CRACR2A: variants seen among roughly 807,000 people sequenced by gnomAD.
CRACR2A encodes the protein calcium release activated channel regulator 2A, also known as EF-hand calcium-binding domain-containing protein 4B.
CRACR2A carries 79 observed loss-of-function variants against 90.5 expected under a neutral mutation model. The ratio of observed to expected loss-of-function variants is 0.87; its 90% confidence interval spans 0.73 to 1.05. The LOEUF is 1.05. Ranked by LOEUF, CRACR2A falls within the 50% of genes least tolerant of loss-of-function variation. The probability of loss-of-function intolerance (pLI) is 0.00; values close to 1 mark genes in which losing one functional copy is unlikely to be tolerated. For synonymous variants in CRACR2A, 338 were observed against 356.7 expected (o/e 0.95, Z 0.59); for missense variants, 823 against 897.2 (o/e 0.92, Z 1.06).
chr12:3,710,997 G>A (rs1436341638), intron 3 of CRACR2A, among the ~76,000 whole-genome samples: 1 of 152,134 alleles, frequency 6.6e-6, no homozygotes, highest in East Asian at 1.9e-4. Flanking sequence ...CCCAACTCAT[G>A]TCCTTCTCAC....
At chr12:3,739,609 A>T (rs1266030642) in intron 1 of CRACR2A, among the ~76,000 whole-genome samples, 2 of 152,196 alleles carry the variant, frequency 1.3e-5, no homozygotes, top group Admixed American at 1.3e-4. Flanking sequence ...CAGGCCTAAG[A>T]TATTTTGAAC....
At chr12:3,688,973 G>T (rs953133547) in intron 4 of CRACR2A, among the ~76,000 whole-genome samples, 9 of 152,224 alleles carry the variant, frequency 5.9e-5, no homozygotes, top group African/African-American at 2.2e-4. Context: ...ATTGTGAATG[G>T]GAATATCTTC....
intron 4 of CRACR2A, among the ~76,000 whole-genome samples, chr12:3,690,051 T>C (rs1412862739): frequency 1.3e-5 from 2 of 152,084 alleles, no homozygotes; most frequent in Non-Finnish European, 2.9e-5. Flanking sequence ...TTCTTCTTTA[T>C]TAGTTTTTCT....
chr12:3,666,330 C>CGTGTGTGTGTGT (rs750488682), intron 7 of CRACR2A, among the ~76,000 whole-genome samples: 4,034 of 139,518 alleles, frequency 0.029, 79 homozygotes, highest in Middle Eastern at 0.047. Flanking sequence ...AGGACGGCTG[C>CGTGTGTGTGTGT]GTGTGTGTGT....
chr12:3,705,272 T>G (rs1945898104), intron 3 of CRACR2A, among the ~76,000 whole-genome samples: 1 of 152,206 alleles, frequency 6.6e-6, no homozygotes, highest in Non-Finnish European at 1.5e-5. Flanking sequence ...TATAAACAGA[T>G]GGGAATTATC....
In CRACR2A at chr12:3,678,900, A is replaced by G; in HGVS notation, c.524+15T>C. ...CAGGCTGGTCTCCGTTCTACAAATC[A>G]CTGTCACCACTTACTCTTCCAACAC... is the stretch of plus-strand genomic sequence containing the variant. On this transcript the variant is annotated intron_variant, in intron 6 of 19. Transcript: ENST00000440314. The G allele has an allele frequency of 6.3e-7, 1 of 1,589,788 alleles. No individual in the cohort carries two copies. Among genetic ancestry groups the G allele is most frequent in the Middle Eastern group, 1.7e-4 (1 of 5,956 alleles).
chr12:3,624,063 G>T, intron 17 of CRACR2A, among the ~76,000 whole-genome samples: 1 of 152,234 alleles, frequency 6.6e-6, no homozygotes, highest in East Asian at 1.9e-4. Context: ...ATCAAGATGG[G>T]ATAGTAAGAA....
chr12:3,752,046 T>C (rs1437322347), intron 1 of CRACR2A, among the ~76,000 whole-genome samples: 2 of 152,178 alleles, frequency 1.3e-5, no homozygotes, highest in Admixed American at 1.3e-4. Flanking sequence ...CTTCGGTACA[T>C]GCTGCTTTCT....
At chr12:3,724,817 G>A (rs1355184115) in intron 2 of CRACR2A, among the ~76,000 whole-genome samples, 1 of 152,146 alleles carries the variant, frequency 6.6e-6, no homozygotes, top group African/African-American at 2.4e-5. Context: ...AGAACACTAA[G>A]TGTTCAGACA....
rs575856052 is a variant in CRACR2A, at chr12:3,617,628, C to T, written c.2035-598G>A. On this transcript the variant is annotated intron_variant, in intron 18 of 19. Coordinates refer to ENST00000440314, the MANE Select transcript of CRACR2A (RefSeq NM_001144958.2). ...GTCAGCACTGGTGCACCAGACTGGC[C>T]GTCAGCTCATTAGGATGAGGTTGTG... Among the ~76,000 whole-genome samples the T allele has an allele frequency of 1.7e-4, 26 of 152,326 alleles. No individual in the cohort carries two copies. In the East Asian group the frequency reaches 4.0e-3, roughly 24 times the overall value.
intron 3 of CRACR2A, among the ~76,000 whole-genome samples, chr12:3,701,260 G>C (rs1281612341): frequency 6.6e-6 from 1 of 151,502 alleles, no homozygotes; most frequent in Non-Finnish European, 1.5e-5. Flanking sequence ...TTGGAAAGAA[G>C]AAAGGGCTCA....
At chr12:3,742,177 G>A (rs1232236968) in intron 1 of CRACR2A, among the ~76,000 whole-genome samples, 1 of 152,186 alleles carries the variant, frequency 6.6e-6, no homozygotes, top group Non-Finnish European at 1.5e-5. Flanking sequence ...AAGAAATCAG[G>A]CAGCAGGCAT....
chr12:3,616,883 C>CA, intron 19 of CRACR2A, 71 bp downstream of exon 19: 2 of 1,253,606 alleles, frequency 1.6e-6, no homozygotes, highest in Non-Finnish European at 2.3e-6. Flanking sequence ...TGGAGGGAAA[C>CA]ACGGTGCCTC....
At chr12:3,699,649 A>G (rs759765561) in intron 3 of CRACR2A, among the ~76,000 whole-genome samples, 2 of 152,110 alleles carry the variant, frequency 1.3e-5, no homozygotes, top group Non-Finnish European at 2.9e-5. Flanking sequence ...CTTTCCCTCT[A>G]CCTCTGCCCA....
At position 3,616,885 on chromosome 12, in the gene CRACR2A, C is replaced by T. The variant is rs142637131; in HGVS notation, c.2111+69G>A. On this transcript the variant is annotated intron_variant, in intron 19 of 19. Transcript: ENST00000440314. The stretch of plus-strand genomic sequence containing the variant: ...GGTGTGGCCTGGGTGGAGGGAAACA[C>T]GGTGCCTCCCTGAAGGCAGACACAG... 1.4e-4 allele frequency: 174 copies of T among 1,263,700 alleles called. 1 individual carries two copies. In the African/African-American group the frequency reaches 2.2e-3, roughly 16 times the overall value. 78.3% of individuals were successfully genotyped at this position (1,263,700 alleles called of 1,614,324 possible). A position where few individuals can be genotyped will look rare whatever the true frequency, so the allele number is the denominator to read the frequency against.
intron 2 of CRACR2A, chr12:3,729,237 C>T (rs929162224): frequency 2.0e-5 from 3 of 152,322 alleles, no homozygotes; most frequent in East Asian, 1.9e-4. Flanking sequence ...AAGGAACAGC[C>T]GTCACGTTAG....
intron 1 of CRACR2A, among the ~76,000 whole-genome samples, chr12:3,733,482 G>A (rs1016963034): frequency 1.3e-5 from 2 of 152,166 alleles, no homozygotes; most frequent in African/African-American, 4.8e-5. Flanking sequence ...TTGTTAAGAC[G>A]TGAGAGGAGC....
intron 1 of CRACR2A, among the ~76,000 whole-genome samples, chr12:3,738,542 AACAG>A (rs1337445382): frequency 1.1e-4 from 16 of 152,214 alleles, no homozygotes; most frequent in African/African-American, 3.9e-4. Context: ...CAGTTTGAGA[AACAG>A]ACAGTAAACT....
intron 18 of CRACR2A, among the ~76,000 whole-genome samples, chr12:3,617,953 T>C (rs760684538): frequency 5.3e-5 from 8 of 152,190 alleles, no homozygotes; most frequent in Non-Finnish European, 1.0e-4. Context: ...TTTCTCCTTG[T>C]CTGCATTTCT....
Sources: allele counts gnomAD v4.1 joint callset (sites outside exome capture counted in the v4.1 genomes callset), GRCh38; gene constraint gnomAD v4.1.1; transcripts MANE v1.5; gene names NCBI Gene and HGNC (gene_info 2026-07-23, HGNC 2026-07-21).